CHD7: variants seen among roughly 807,000 people sequenced by gnomAD.
CHD7 encodes chromodomain helicase DNA binding protein 7.
In CHD7, 24 loss-of-function variants were observed where a neutral mutation model predicts 307.3. The observed-to-expected ratio is 0.08, with a 90% CI of 0.06 to 0.11. CHD7 has a LOEUF of 0.11. CHD7 is among the 10% of genes least tolerant of loss of function. CHD7 has a pLI of 1.00. For missense variants in CHD7, 3,106 were observed against 3,727.1 expected, an observed-to-expected ratio of 0.83 and a Z score of 4.34; for synonymous variants, 1,363 against 1,349.9, an observed-to-expected ratio of 1.01 and a Z score of -0.21.
intron 4 of CHD7, among the ~76,000 whole-genome samples, chr8:60,795,505 T>G (rs1203284517): frequency 6.6e-6 from 1 of 152,200 alleles, no homozygotes; most frequent in African/African-American, 2.4e-5. Flanking sequence ...TTTTTTGAAT[T>G]TTGCAGAATT....
Position 60,852,615 on chromosome 8 carries a change from C to T in CHD7, c.6012C>T (p.Asp2004=). The T allele has an allele frequency of 1.2e-6, 2 of 1,613,858 alleles. No homozygotes were observed. Among genetic ancestry groups the T allele is most frequent in the South Asian group, 1.1e-5 (1 of 91,062 alleles). Residue 2004 remains aspartate (D), a synonymous_variant, in exon 30 of 38, where the codon GAC becomes GAT. Coordinates refer to ENST00000423902, the MANE Select transcript of CHD7 (RefSeq NM_017780.4). ...WNQFRAFARL[D]KKSDESLEKY... ...AATTTAGAGCCTTTGCCAGGCTTGA[C>T]AAAAAATCTGATGAGAGTTTGGAGA... is the stretch of plus-strand genomic sequence containing the variant.
chr8:60,802,732 G>A (rs181825010), intron 6 of CHD7, among the ~76,000 whole-genome samples: 1 of 152,256 alleles, frequency 6.6e-6, no homozygotes, highest in East Asian at 1.9e-4. Context: ...GACTCAGTGA[G>A]AGTCCTATAA....
At chr8:60,733,778 C>CT (rs1225246780) in intron 1 of CHD7, among the ~76,000 whole-genome samples, 1,409 of 138,736 alleles carry the variant, frequency 0.01, 7 homozygotes, top group African/African-American at 0.013. Context: ...AAAAGAACAG[C>CT]TTTTTTTTTT....
rs1441996876 is a variant in CHD7, at chr8:60,678,917, C to G, written c.-340C>G. The G allele has an allele frequency of 6.6e-6, 1 of 152,368 alleles. No individual in the cohort carries two copies. The highest frequency in any genetic ancestry group is 1.5e-5 in the Non-Finnish European group (1 of 68,192). The allele number at this position is 152,368 out of a possible 1,614,324, so 9.4% of individuals were successfully genotyped here. On this transcript the variant is annotated 5_prime_UTR_variant, in exon 1 of 38. Coordinates refer to ENST00000423902, the MANE Select transcript of CHD7 (RefSeq NM_017780.4). ...AAAGGAGCGCCGCGGAGGAGGCGGCCCGGGGACCCGGACACCCTGAAACTC... is the reference window on the plus strand; with the variant it reads ...AAAGGAGCGCCGCGGAGGAGGCGGCGCGGGGACCCGGACACCCTGAAACTC...
chr8:60,801,694 A>C (rs1390261939), intron 6 of CHD7, 101 bp downstream of exon 6: 2 of 737,332 alleles, frequency 2.7e-6, no homozygotes, highest in Non-Finnish European at 4.5e-6. Context: ...TTATAAAATA[A>C]AACTTCCAGT....
intron 3 of CHD7, among the ~76,000 whole-genome samples, chr8:60,781,881 G>A (rs1811254003): frequency 6.6e-6 from 1 of 152,184 alleles, no homozygotes; most frequent in African/African-American, 2.4e-5. Flanking sequence ...ACTTGGCGGA[G>A]TAAGCCTTCC....
Position 60,827,733 on chromosome 8 carries a change from A to T in CHD7, c.3379-930A>T, listed in dbSNP as rs369582541. Among the ~76,000 whole-genome samples the T allele has an allele frequency of 1.1e-4, 16 of 152,146 alleles. No homozygotes were observed. The East Asian group carries it at 1.7e-3, about 16-fold the overall frequency. The stretch of plus-strand genomic sequence containing the variant: ...CAGATATGACATGGTAGATATTAAG[A>T]AAATTAGCATGTTCTTACCTCATTC... On this transcript the variant is annotated intron_variant, in intron 13 of 37. Transcript: ENST00000423902.
chr8:60,687,165 T>C (rs1046758796), intron 1 of CHD7, among the ~76,000 whole-genome samples: 1 of 152,234 alleles, frequency 6.6e-6, no homozygotes, highest in African/African-American at 2.4e-5. Context: ...CTAAAAACTA[T>C]TAAACATCTT....
At chr8:60,834,244 A>C (rs1804649178) in intron 15 of CHD7, among the ~76,000 whole-genome samples, 1 of 152,220 alleles carries the variant, frequency 6.6e-6, no homozygotes. Flanking sequence ...GCTTTTTGAA[A>C]AATATTCGTT....
chr8:60,770,977 C>T (rs2150644291), intron 2 of CHD7, among the ~76,000 whole-genome samples: 1 of 152,300 alleles, frequency 6.6e-6, no homozygotes, highest in African/African-American at 2.4e-5. Flanking sequence ...CTTGATTCTT[C>T]TTATAACCAG....
chr8:60,802,181 T>C (rs1471699299), intron 6 of CHD7, among the ~76,000 whole-genome samples: 1 of 152,268 alleles, frequency 6.6e-6, no homozygotes, highest in East Asian at 1.9e-4. Context: ...TCTAAGTATC[T>C]GTCACTAGCC....
At chr8:60,820,756 G>C (rs935404681) in intron 9 of CHD7, among the ~76,000 whole-genome samples, 2 of 152,168 alleles carry the variant, frequency 1.3e-5, no homozygotes, top group East Asian at 1.9e-4. Context: ...TGCTTTTCTA[G>C]GGAGGGTCTG....
chr8:60,709,699 A>G (rs1428667624), intron 1 of CHD7, among the ~76,000 whole-genome samples: 2 of 152,210 alleles, frequency 1.3e-5, no homozygotes, highest in Non-Finnish European at 2.9e-5. Flanking sequence ...CAAAAAAGGG[A>G]AACTATTTGA....
intron 2 of CHD7, among the ~76,000 whole-genome samples, chr8:60,766,921 T>A (rs1457087488): frequency 6.6e-6 from 1 of 152,110 alleles, no homozygotes; most frequent in African/African-American, 2.4e-5. Flanking sequence ...AGGTAGATTC[T>A]CTCGCTGGGA....
intron 12 of CHD7, 38 bp from the exon 13 acceptor site, chr8:60,823,802 C>T: frequency 6.6e-7 from 1 of 1,526,078 alleles, no homozygotes; most frequent in East Asian, 2.3e-5. Flanking sequence ...TTTATGTAAC[C>T]ATTAATGCTT....
chr8:60,722,211 T>G (rs1449112794), intron 1 of CHD7, among the ~76,000 whole-genome samples: 1 of 152,158 alleles, frequency 6.6e-6, no homozygotes, highest in East Asian at 1.9e-4. Context: ...TTTATTACAG[T>G]ATCTGTGGCT....
chr8:60,715,407 C>T (rs1326591350), intron 1 of CHD7, among the ~76,000 whole-genome samples: 2 of 151,154 alleles, frequency 1.3e-5, no homozygotes, highest in Non-Finnish European at 2.9e-5. Flanking sequence ...ACTGCAAACT[C>T]CGCCTGCTGG....
chr8:60,715,415 T>C (rs766619293), intron 1 of CHD7, among the ~76,000 whole-genome samples: 14 of 150,920 alleles, frequency 9.3e-5, no homozygotes, highest in Non-Finnish European at 1.8e-4. Context: ...CTCCGCCTGC[T>C]GGGTTCAAGG....
intron 20 of CHD7, 40 bp from the exon 21 acceptor site, chr8:60,841,807 C>G: frequency 6.2e-7 from 1 of 1,609,320 alleles, no homozygotes; most frequent in Non-Finnish European, 8.5e-7. Context: ...AAGAGCCACT[C>G]TTTGAGAAAT....
Sources: gnomAD v4.1 joint callset for allele counts (sites outside exome capture counted in the v4.1 genomes callset) on GRCh38, gnomAD v4.1.1 for gene constraint, MANE v1.5 for transcripts, NCBI Gene and HGNC (gene_info 2026-07-23, HGNC 2026-07-21) for gene names.